POLQ: variants seen among roughly 807,000 people sequenced by gnomAD.
POLQ encodes the protein DNA polymerase theta.
POLQ carries 233 observed loss-of-function variants against 259.2 expected under a neutral mutation model. The ratio of observed to expected loss-of-function variants is 0.90; its 90% CI spans 0.81 to 1.00. The LOEUF (loss-of-function observed/expected upper bound fraction) is 1.00, where lower values mean the gene tolerates loss of function less well. Ranked by LOEUF, POLQ falls within the 50% of genes least tolerant of loss-of-function variation. The probability of loss-of-function intolerance (pLI) is 0.00; values close to 1 mark genes in which losing one functional copy is unlikely to be tolerated. For missense variants in POLQ, 2,871 were observed against 3,051.6 expected (o/e 0.94, Z 1.39); for synonymous variants, 1,025 against 1,048.8 (o/e 0.98, Z 0.44).
At chr3:121,468,254 A>G in intron 23 of POLQ, 51 bp downstream of exon 23, 1 of 1,464,628 alleles carries the variant, frequency 6.8e-7, no homozygotes, top group Non-Finnish European at 9.3e-7. Context: ...ATTTTGAGCC[A>G]TTCATACTTA....
Position 121,522,028 on chromosome 3 carries a change from T to C in POLQ, c.1230A>G (p.Pro410=). The stretch of plus-strand genomic sequence containing the variant: ...CTGCATGATGAAATGCTACTCCCCA[T>C]GGTACAGTTTTCTGTAATACAGAGT... The part of the protein sequence containing the change: ...GLDSVLQKTV[P]WGVAFHHAGL... Residue 410 remains proline (P), a synonymous_variant, in exon 8 of 30, where the codon CCA becomes CCG. Transcript: ENST00000264233. The C allele has an allele frequency of 6.3e-7, 1 of 1,589,004 alleles. No homozygotes were observed. Among genetic ancestry groups the C allele is most frequent in the Admixed American group, 1.8e-5 (1 of 54,506 alleles).
chr3:121,454,386 T>C (rs1250693432), intron 25 of POLQ, among the ~76,000 whole-genome samples: 7 of 152,138 alleles, frequency 4.6e-5, no homozygotes, highest in Non-Finnish European at 1.0e-4. Context: ...ATAACAATAT[T>C]AACTTTAAAT....
At chr3:121,504,099 C>T (rs1313664238) in intron 12 of POLQ, among the ~76,000 whole-genome samples, 2 of 152,056 alleles carry the variant, frequency 1.3e-5, no homozygotes, top group Admixed American at 6.6e-5. Flanking sequence ...AACACCTGAC[C>T]TCAGATGATC....
rs775018336 is a variant in POLQ, at chr3:121,488,748, C to T, written c.4183G>A (p.Val1395Ile). The T allele has an allele frequency of 5.0e-6, 8 of 1,613,914 alleles. No individual in the cohort carries two copies. Among genetic ancestry groups the T allele is most frequent in the African/African-American group, 1.3e-5 (1 of 75,042 alleles). The change falls in exon 16 of 30, where the codon GTA becomes ATA. Residue 1395 changes from valine to isoleucine, a missense_variant. By Grantham distance (29) the Val-to-Ile change is conservative (BLOSUM62 3). Transcript: ENST00000264233. ...TCACTGCTTTGTTTCATAGTACCTA[C>T]AGTCTTAAGGTCCAAATGATCTATC... ...TKIDHLDLKTVGTMKQSSDSH... is the reference protein window; with the variant it reads ...TKIDHLDLKTIGTMKQSSDSH...
intron 7 of POLQ, among the ~76,000 whole-genome samples, chr3:121,528,059 T>A (rs2048385072): frequency 1.3e-5 from 2 of 152,212 alleles, no homozygotes; most frequent in African/African-American, 4.8e-5. Flanking sequence ...TACATTTGTT[T>A]ACATTTTTCT....
At chr3:121,466,895 T>A (rs920685150) in intron 24 of POLQ, among the ~76,000 whole-genome samples, 1 of 152,206 alleles carries the variant, frequency 6.6e-6, no homozygotes, top group Admixed American at 6.5e-5. Flanking sequence ...TTAATTGTAC[T>A]CACTAGGACT....
At chr3:121,474,868 T>C (rs1001262630) in intron 20 of POLQ, among the ~76,000 whole-genome samples, 1 of 152,232 alleles carries the variant, frequency 6.6e-6, no homozygotes, top group Non-Finnish European at 1.5e-5. Context: ...TTGTTATCCA[T>C]TGTTTACCTG....
chr3:121,495,803 G>C lies in POLQ; in HGVS notation c.2278+1005C>G, dbSNP rs548868149. 1.3e-4 allele frequency among the ~76,000 whole-genome samples: 19 copies of C among 145,468 alleles called. No homozygotes were observed. The South Asian group carries it at 3.4e-3, about 26-fold the overall frequency. On this transcript the variant is annotated intron_variant, in intron 14 of 29. Transcript: ENST00000264233. ...GGCAGAGCTTTCAGTGAGCCGAGAT[G>C]GCGCCACTGCACTCCAGCCTGGGAG...
At chr3:121,467,990 A>ACCACTGCACTCCAGCCTGG (rs2047852682) in intron 23 of POLQ, among the ~76,000 whole-genome samples, 1 of 152,142 alleles carries the variant, frequency 6.6e-6, no homozygotes, top group Non-Finnish European at 1.5e-5. Context: ...CTGAGATCGC[A>ACCACTGCACTCCAGCCTGG]CCACTGCACT....
intron 7 of POLQ, among the ~76,000 whole-genome samples, chr3:121,525,126 G>A (rs577122820): frequency 6.6e-6 from 1 of 152,214 alleles, no homozygotes; most frequent in South Asian, 2.1e-4. Flanking sequence ...TGGATCACGA[G>A]GTTAGGAGAT....
rs1010555022 is a variant in POLQ at position 121,509,694 on chromosome 3, T to C, written c.1826A>G (p.Tyr609Cys). 5.6e-6 allele frequency: 9 copies of C among 1,612,916 alleles called. No individual in the cohort carries two copies. The African/African-American group carries it at 1.2e-4, about 22-fold the overall frequency. The part of the protein sequence containing the change: ...EASDGTEGKV[Y>C]HPTHLGSATL... ...GGCCGAACCAAGATGTGTTGGATGA[T>C]ACACCTTTCCTGGTTTAGGGTTAGG... The change falls in exon 12 of 30, where the codon TAT (tyrosine) becomes TGT (cysteine). Residue 609 changes from tyrosine to cysteine, a missense_variant. By Grantham distance (194) the Tyr-to-Cys change is radical (BLOSUM62 -2). Transcript: ENST00000264233.
At chr3:121,520,318 T>TC (rs1417965935) in intron 8 of POLQ, among the ~76,000 whole-genome samples, 1 of 151,990 alleles carries the variant, frequency 6.6e-6, no homozygotes, top group African/African-American at 2.4e-5. Context: ...GGTGGATCGC[T>TC]TGAGGTCAGG....
chr3:121,508,348 G>A (rs1486647628), intron 12 of POLQ, among the ~76,000 whole-genome samples: 4 of 152,132 alleles, frequency 2.6e-5, no homozygotes, highest in African/African-American at 7.2e-5. Context: ...AGAAATAATA[G>A]ATGTTATTAA....
At chr3:121,542,510 T>C (rs2048497823) in intron 2 of POLQ, among the ~76,000 whole-genome samples, 1 of 152,156 alleles carries the variant, frequency 6.6e-6, no homozygotes, top group Admixed American at 6.5e-5. Flanking sequence ...TTAGTAAGCA[T>C]GGAGTATAAA....
At chr3:121,440,794 T>A (rs1261056543) in intron 26 of POLQ, among the ~76,000 whole-genome samples, 1 of 152,212 alleles carries the variant, frequency 6.6e-6, no homozygotes, top group Admixed American at 6.5e-5. Context: ...TCTTTCATCT[T>A]ATCATTCCTA....
intron 8 of POLQ, chr3:121,521,446 A>C (rs1461940530): frequency 2.6e-5 from 4 of 152,290 alleles, no homozygotes; most frequent in Non-Finnish European, 5.9e-5. Context: ...GCTATGAAAA[A>C]ACATCATATA....
chr3:121,473,045 G>A (rs1208773198), intron 21 of POLQ, among the ~76,000 whole-genome samples: 6 of 152,224 alleles, frequency 3.9e-5, no homozygotes, highest in Non-Finnish European at 7.3e-5. Flanking sequence ...CCAACATGGT[G>A]AAACCCCATC....
At position 121,445,076 on chromosome 3, in the gene POLQ, C is replaced by T. The variant is rs534236263; in HGVS notation, c.7264+4239G>A. ...GTAGGTAGGTTTTGTTTGTTTGTTTCGATATGTCTTTGTCTGGTTTTGGTA... is the reference window on the plus strand; with the variant it reads ...GTAGGTAGGTTTTGTTTGTTTGTTTTGATATGTCTTTGTCTGGTTTTGGTA... On this transcript the variant is annotated intron_variant, in intron 26 of 29. Coordinates refer to ENST00000264233, the MANE Select transcript of POLQ (RefSeq NM_199420.4). Among the ~76,000 whole-genome samples, 6 of 152,042 alleles carry T rather than the reference C, an allele frequency of 3.9e-5. No individual in the cohort carries two copies. The South Asian group carries it at 6.2e-4, about 16-fold the overall frequency.
rs187527312 is a variant in POLQ at position 121,507,596 on chromosome 3, A to T, written c.1959+1965T>A. On this transcript the variant is annotated intron_variant, in intron 12 of 29. Coordinates refer to ENST00000264233, the MANE Select transcript of POLQ (RefSeq NM_199420.4). ...ACAAAAATTAGCCAGGTGTGGTGGC[A>T]TGCACCTGTAGTCCCAGCTACTCAG... Among the ~76,000 whole-genome samples, 31 of 152,160 alleles carry T rather than the reference A, an allele frequency of 2.0e-4. No individual in the cohort carries two copies. In the Middle Eastern group the frequency reaches 0.01, roughly 50 times the overall value.
Sources: gnomAD v4.1 joint callset for allele counts (sites outside exome capture counted in the v4.1 genomes callset) on GRCh38, gnomAD v4.1.1 for gene constraint, MANE v1.5 for transcripts, NCBI Gene and HGNC (gene_info 2026-07-23, HGNC 2026-07-21) for gene names.